RAP1B: variants seen among roughly 807,000 people sequenced by gnomAD.
The protein encoded by RAP1B is ras-related protein Rap-1b.
Under a neutral mutation model 27.5 loss-of-function variants are expected in RAP1B, and 1 was observed. That is an observed-to-expected ratio of 0.04 (90% CI 0.01 to 0.17). The LOEUF (loss-of-function observed/expected upper bound fraction) is 0.17. Among genes scored for constraint, RAP1B ranks in the 10% least tolerant of loss-of-function variants. The probability of loss-of-function intolerance (pLI) is 1.00; values close to 1 mark genes in which losing one functional copy is unlikely to be tolerated. For synonymous variants in RAP1B, 75 were observed against 73.1 expected (o/e 1.03, Z -0.13); for missense variants, 84 against 214.8 (o/e 0.39, Z 3.81).
chr12:68,612,646 T>C (rs2135903683), intron 1 of RAP1B, among the ~76,000 whole-genome samples: 1 of 152,336 alleles, frequency 6.6e-6, no homozygotes, highest in African/African-American at 2.4e-5. Context: ...AAAAAGTGGG[T>C]ACCTTAGTCA....
intron 1 of RAP1B, among the ~76,000 whole-genome samples, chr12:68,620,504 CTG>C (rs1871316556): frequency 6.6e-6 from 1 of 152,006 alleles, no homozygotes; most frequent in African/African-American, 2.4e-5. Context: ...TAGAGCCACT[CTG>C]TGGCCTTCTT....
chr12:68,612,264 G>C (rs1309946661), intron 1 of RAP1B, among the ~76,000 whole-genome samples: 1 of 151,902 alleles, frequency 6.6e-6, no homozygotes, highest in Non-Finnish European at 1.5e-5. Context: ...CTCTTTTTTC[G>C]TAATTAGAAT....
At chr12:68,645,611 C>T (rs942492074) in intron 1 of RAP1B, among the ~76,000 whole-genome samples, 6 of 152,198 alleles carry the variant, frequency 3.9e-5, no homozygotes, top group African/African-American at 1.4e-4. Flanking sequence ...CAGTCCCTAC[C>T]AGCACCACAA....
At chr12:68,657,725 A>AACAC (rs61700927) in intron 7 of RAP1B, 6,916 of 125,980 alleles carry the variant, frequency 0.055, 275 homozygotes, top group Admixed American at 0.11. Flanking sequence ...CCTAATTTAA[A>AACAC]ACACACACAC....
Position 68,666,922 on chromosome 12 carries a change from G to A in RAP1B, c.*7673G>A, listed in dbSNP as rs1000948196. The A allele has an allele frequency of 2.0e-5, 3 of 152,162 alleles. No individual in the cohort carries two copies. The highest frequency in any genetic ancestry group is 4.4e-5 in the Non-Finnish European group (3 of 68,028). 9.4% of individuals were successfully genotyped at this position (152,162 alleles called of 1,614,324 possible). On this transcript the variant is annotated 3_prime_UTR_variant, in exon 8 of 8. Coordinates refer to ENST00000250559, the MANE Select transcript of RAP1B (RefSeq NM_001010942.3). ...CTGAGGGAAGTCTGGGATTAGGTGA[G>A]ACTTTAATGAGTCCATCAGAGGTTT...
In RAP1B at chr12:68,667,381, A is replaced by G. The variant is rs1161056744; in HGVS notation, c.*8132A>G. The G allele has an allele frequency of 6.6e-6, 1 of 152,196 alleles. No homozygotes were observed. Among genetic ancestry groups the G allele is most frequent in the African/African-American group, 2.4e-5 (1 of 41,458 alleles). The allele number at this position is 152,196 out of a possible 1,614,324, so 9.4% of individuals were successfully genotyped here. A position where few individuals can be genotyped will look rare whatever the true frequency, so the allele number is the denominator to read the frequency against. On this transcript the variant is annotated 3_prime_UTR_variant, in exon 8 of 8. Coordinates refer to ENST00000250559, the MANE Select transcript of RAP1B (RefSeq NM_001010942.3). ...GAGGTACATGAAAAAAAGAAATGGA[A>G]GGAATGGACAGGCCCAGAATTAAAT...
rs918165643 is a variant in RAP1B, at chr12:68,632,395, A to G, written c.-26-16304A>G. On this transcript the variant is annotated intron_variant, in intron 1 of 7. Transcript: ENST00000250559. ...GTGATCCTCCTGCCTCAGCCTCCCA[A>G]TGTGTTAGGATTACAGGCATGAGCC... is the stretch of plus-strand genomic sequence containing the variant. Among the ~76,000 whole-genome samples, 7 of 152,092 alleles carry G rather than the reference A, an allele frequency of 4.6e-5. 1 individual carries two copies. In the East Asian group the frequency reaches 9.7e-4, roughly 21 times the overall value.
intron 4 of RAP1B, among the ~76,000 whole-genome samples, chr12:68,652,810 A>T (rs1471107473): frequency 6.6e-6 from 1 of 152,124 alleles, no homozygotes; most frequent in Non-Finnish European, 1.5e-5. Flanking sequence ...AGTTTAGAAA[A>T]TGTGTTAGAA....
intron 1 of RAP1B, chr12:68,627,276 A>C: frequency 1.1e-6 from 1 of 902,550 alleles, no homozygotes; most frequent in Non-Finnish European, 1.8e-6. Flanking sequence ...ACAATACAAC[A>C]CACAGGCTGC....
chr12:68,630,635 T>C (rs530788394), intron 1 of RAP1B, among the ~76,000 whole-genome samples: 1 of 152,222 alleles, frequency 6.6e-6, no homozygotes, highest in South Asian at 2.1e-4. Context: ...GAGTATGGTT[T>C]TGGGGCTTTT....
chr12:68,648,252 T>C (rs1334605587), intron 1 of RAP1B, among the ~76,000 whole-genome samples: 2 of 152,238 alleles, frequency 1.3e-5, no homozygotes, highest in African/African-American at 2.4e-5. Flanking sequence ...TTCCCCACTT[T>C]AGGAATAAAT....
intron 4 of RAP1B, among the ~76,000 whole-genome samples, chr12:68,652,770 TTTGTAATTGCAGTGGGTCAGTTA>T (rs1387518398): frequency 1.3e-5 from 2 of 151,474 alleles, no homozygotes; most frequent in African/African-American, 4.8e-5. Context: ...TATTGCACTT[TTTGTAATTGCAGTGGGTCAGTTA>T]TTGAAAAGTT....
intron 4 of RAP1B, among the ~76,000 whole-genome samples, chr12:68,652,516 A>G (rs1873887959): frequency 6.6e-6 from 1 of 151,834 alleles, no homozygotes; most frequent in South Asian, 2.1e-4. Flanking sequence ...GTTCCGTTGA[A>G]TCCTTAATTT....
At chr12:68,651,009 C>T (rs1051296571) in intron 3 of RAP1B, 4 of 152,194 alleles carry the variant, frequency 2.6e-5, no homozygotes, top group African/African-American at 9.7e-5. Context: ...TCATATACAC[C>T]TCATACACAT....
At chr12:68,647,129 T>C (rs1362121018) in intron 1 of RAP1B, among the ~76,000 whole-genome samples, 5 of 152,148 alleles carry the variant, frequency 3.3e-5, no homozygotes, top group African/African-American at 1.2e-4. Flanking sequence ...CTCAGCTCAC[T>C]GCAACCTCCA....
chr12:68,661,742 A>G lies in RAP1B; in HGVS notation c.*2493A>G, dbSNP rs1165808274. On this transcript the variant is annotated 3_prime_UTR_variant, in exon 8 of 8. Coordinates refer to ENST00000250559, the MANE Select transcript of RAP1B (RefSeq NM_001010942.3). ...ACAAGGGAGGTGAACTTGGAGGGCA[A>G]AATCACCCTGGTGAAGAACTACTGC... 6.6e-6 allele frequency: 1 copy of G among 152,076 alleles called. No homozygotes were observed. The highest frequency in any genetic ancestry group is 1.5e-5 in the Non-Finnish European group (1 of 68,042). 9.4% of individuals were successfully genotyped at this position (152,076 alleles called of 1,614,324 possible). A position where few individuals can be genotyped will look rare whatever the true frequency, so the allele number is the denominator to read the frequency against.
intron 1 of RAP1B, among the ~76,000 whole-genome samples, chr12:68,616,091 G>T (rs1452753505): frequency 2.0e-5 from 3 of 151,352 alleles, no homozygotes; most frequent in Non-Finnish European, 4.4e-5. Flanking sequence ...AGCCTCCCGA[G>T]TAGCTGAGAC....
chr12:68,611,911 C>T (rs1245653974), intron 1 of RAP1B, among the ~76,000 whole-genome samples: 2 of 152,168 alleles, frequency 1.3e-5, no homozygotes, highest in Admixed American at 6.5e-5. Context: ...CCGGATTTTT[C>T]TTCTGAAAAA....
chr12:68,636,218 A>G (rs559785562), intron 1 of RAP1B, among the ~76,000 whole-genome samples: 10 of 152,282 alleles, frequency 6.6e-5, no homozygotes, highest in South Asian at 2.1e-4. Flanking sequence ...GACAGAAATT[A>G]TGCTTTTTAA....
Sources: gnomAD v4.1 joint callset for allele counts (sites outside exome capture counted in the v4.1 genomes callset) on GRCh38, gnomAD v4.1.1 for gene constraint, MANE v1.5 for transcripts, NCBI Gene and HGNC (gene_info 2026-07-23, HGNC 2026-07-21) for gene names.